Variants in TEX2 observed in about 807,000 individuals in gnomAD.
TEX2 encodes the protein testis expressed 2.
In TEX2, 53 loss-of-function variants were observed where a neutral mutation model predicts 106.9. That is an observed-to-expected ratio of 0.50 (90% confidence interval 0.40 to 0.62). The LOEUF is 0.62. Ranked by LOEUF, TEX2 falls within the 20% of genes least tolerant of loss-of-function variation. The pLI is 0.00. For synonymous variants in TEX2, 523 were observed against 534.8 expected, an observed-to-expected ratio of 0.98 and a Z score of 0.30; for missense variants, 1,207 against 1,379.0, an observed-to-expected ratio of 0.88 and a Z score of 1.98.
chr17:64,190,339 T>C (rs1419228656), intron 4 of TEX2, among the ~76,000 whole-genome samples: 1 of 152,062 alleles, frequency 6.6e-6, no homozygotes, highest in Non-Finnish European at 1.5e-5. Flanking sequence ...AGGACATTAG[T>C]AGAAAAACCA....
intron 1 of TEX2, among the ~76,000 whole-genome samples, chr17:64,225,998 G>A (rs2033496526): frequency 6.6e-6 from 1 of 152,138 alleles, no homozygotes; most frequent in African/African-American, 2.4e-5. Flanking sequence ...GATTACAGGC[G>A]GAAGCCACCA....
chr17:64,229,421 A>C (rs2033601869), intron 1 of TEX2, among the ~76,000 whole-genome samples: 1 of 152,066 alleles, frequency 6.6e-6, no homozygotes, highest in Non-Finnish European at 1.5e-5. Flanking sequence ...TTCTTTATCA[A>C]GGATAGTTAA....
In TEX2 at chr17:64,195,740, A is replaced by T. The variant is rs1469270723; in HGVS notation, c.1645-645T>A. ...CAGGTCCCCCTGCCAAATTGGACAT[A>T]AATGATTTTGTGTTACATATCTTGA... is the stretch of plus-strand genomic sequence containing the variant. On this transcript the variant is annotated intron_variant, in intron 2 of 11. Transcript: ENST00000584379. This position sits in a 1 kb window ranked among gnomAD's most constrained non-coding sequence, Gnocchi z 4.1. 1.3e-5 allele frequency among the ~76,000 whole-genome samples: 2 copies of T among 152,260 alleles called. No individual in the cohort carries two copies. The highest frequency in any genetic ancestry group is 2.9e-5 in the Non-Finnish European group (2 of 68,042).
intron 10 of TEX2, among the ~76,000 whole-genome samples, chr17:64,152,672 G>C (rs967498158): frequency 6.6e-6 from 1 of 152,208 alleles, no homozygotes; most frequent in Non-Finnish European, 1.5e-5. Context: ...AGAGGAGGAA[G>C]ACCAATAATA....
intron 1 of TEX2, among the ~76,000 whole-genome samples, chr17:64,259,257 G>T (rs894441671): frequency 6.6e-6 from 1 of 152,108 alleles, no homozygotes; most frequent in Non-Finnish European, 1.5e-5. Flanking sequence ...GCCAGTCAAG[G>T]GCTTCTGAAC....
In TEX2 at chr17:64,219,741, GA is replaced by G. The variant is rs1313281423; in HGVS notation, c.-25-5500del. On this transcript the variant is annotated intron_variant, in intron 1 of 11. Transcript: ENST00000584379. ...GTTGGAAAGGAAAAGAAAACATGAG[GA>G]ACAGTCCAAATTGACTTAAGTCACT... Among the ~76,000 whole-genome samples, 17 of 152,116 alleles carry G rather than the reference GA, an allele frequency of 1.1e-4. 1 individual carries two copies. In the East Asian group the frequency reaches 3.3e-3, roughly 29 times the overall value.
chr17:64,160,969 C>A, intron 7 of TEX2, 36 bp from the exon 8 acceptor site: 3 of 1,593,494 alleles, frequency 1.9e-6, no homozygotes, highest in South Asian at 1.1e-5. Context: ...GGTTTTTTTC[C>A]CTCAAAAAAA....
intron 6 of TEX2, among the ~76,000 whole-genome samples, chr17:64,171,966 C>T (rs1349086623): frequency 1.5e-5 from 2 of 135,864 alleles, no homozygotes; most frequent in East Asian, 2.1e-4. Context: ...GAGGACAGAG[C>T]GAGACTCTGC....
chr17:64,228,567 C>T (rs531214468), intron 1 of TEX2, among the ~76,000 whole-genome samples: 15 of 152,158 alleles, frequency 9.9e-5, no homozygotes, highest in African/African-American at 2.6e-4. Flanking sequence ...GAATCTGTGC[C>T]GCTACTGATG....
intron 5 of TEX2, 120 bp from the exon 6 acceptor site, chr17:64,177,591 A>C (rs917117002): frequency 2.1e-5 from 21 of 1,020,210 alleles, no homozygotes; most frequent in Middle Eastern, 2.6e-4. Flanking sequence ...CACGAGTCAT[A>C]CTCCTTCCCT....
At chr17:64,219,786 C>T (rs547246781) in intron 1 of TEX2, among the ~76,000 whole-genome samples, 1 of 152,290 alleles carries the variant, frequency 6.6e-6, no homozygotes, top group Admixed American at 6.5e-5. Flanking sequence ...AAGTCTAGTT[C>T]CTGTGAAGGC....
chr17:64,228,189 A>G (rs2033558497), intron 1 of TEX2, among the ~76,000 whole-genome samples: 1 of 152,246 alleles, frequency 6.6e-6, no homozygotes, highest in Admixed American at 6.5e-5. Flanking sequence ...AACTCATTGA[A>G]AAAAACTTCA....
rs1209649587 is a variant in TEX2, at chr17:64,233,812, TC to T, written c.-25-19571del. Among the ~76,000 whole-genome samples the T allele has an allele frequency of 2.6e-5, 4 of 152,320 alleles. No homozygotes were observed. In the South Asian group the frequency reaches 8.3e-4, roughly 32 times the overall value. On this transcript the variant is annotated intron_variant, in intron 1 of 11. Coordinates refer to ENST00000584379, the MANE Select transcript of TEX2 (RefSeq NM_001288732.2). ...AAGGTCAATGAACTCATTTAAAATA[TC>T]TGAAGAATCAGAAATGGGCAGCTGC...
At chr17:64,177,744 T>C (rs912260831) in intron 5 of TEX2, among the ~76,000 whole-genome samples, 5 of 152,226 alleles carry the variant, frequency 3.3e-5, no homozygotes, top group Non-Finnish European at 7.3e-5. Context: ...ACTATTAGCT[T>C]AGCCAAACTG....
At chr17:64,220,594 T>C (rs2033330467) in intron 1 of TEX2, among the ~76,000 whole-genome samples, 1 of 151,232 alleles carries the variant, frequency 6.6e-6, no homozygotes, top group Non-Finnish European at 1.5e-5. Context: ...AAAAAAAATA[T>C]GAAAAAAAGC....
chr17:64,167,387 G>A (rs2031185796), intron 7 of TEX2, among the ~76,000 whole-genome samples: 1 of 152,172 alleles, frequency 6.6e-6, no homozygotes, highest in South Asian at 2.1e-4. Context: ...CCTAACAGCA[G>A]CATCCAGGCA....
chr17:64,261,236 C>T (rs2034282523), intron 1 of TEX2, among the ~76,000 whole-genome samples: 1 of 152,060 alleles, frequency 6.6e-6, no homozygotes, highest in East Asian at 1.9e-4. Flanking sequence ...AAAAACCCTC[C>T]ATCATTTCTA....
intron 2 of TEX2, among the ~76,000 whole-genome samples, chr17:64,197,384 T>C (rs1383621467): frequency 6.6e-6 from 1 of 152,168 alleles, no homozygotes; most frequent in Non-Finnish European, 1.5e-5. Flanking sequence ...ATTTTATCTA[T>C]GTTGTCCAAT....
rs1012265556 is a variant in TEX2 at position 64,195,161 on chromosome 17, T to TG, written c.1645-67dup. The TG allele has an allele frequency of 5.4e-6, 8 of 1,475,320 alleles. No homozygotes were observed. The highest frequency in any genetic ancestry group is 7.5e-6 in the Non-Finnish European group (8 of 1,064,142). The allele number at this position is 1,475,320 out of a possible 1,614,324, so 91.4% of individuals were successfully genotyped here. A position where few individuals can be genotyped will look rare whatever the true frequency, so the allele number is the denominator to read the frequency against. On this transcript the variant is annotated intron_variant, in intron 2 of 11. Transcript: ENST00000584379. This position sits in a 1 kb window ranked among gnomAD's most constrained non-coding sequence, Gnocchi z 4.1. ...GCAAATCTGATTTAGTGTGAAATGATGAACACTGTGGTATTTGGGACACTG... is the reference window on the plus strand; with the variant it reads ...GCAAATCTGATTTAGTGTGAAATGATGGAACACTGTGGTATTTGGGACACTG...
Sources: gnomAD v4.1 joint callset for allele counts (sites outside exome capture counted in the v4.1 genomes callset) on GRCh38, gnomAD v4.1.1 for gene constraint, Gnocchi (gnomAD v3.1) non-coding constraint, MANE v1.5 for transcripts, NCBI Gene and HGNC (gene_info 2026-07-23, HGNC 2026-07-21) for gene names.